HMCN1: variants seen among roughly 807,000 people sequenced by gnomAD.
HMCN1 encodes the protein hemicentin-1.
Under a neutral mutation model 625.9 loss-of-function variants are expected in HMCN1, and 321 were observed. The observed-to-expected ratio is 0.51, with a 90% CI of 0.47 to 0.56. The LOEUF is 0.56. Among genes scored for constraint, HMCN1 ranks in the 20% least tolerant of loss-of-function variants. HMCN1 has a pLI of 0.00. For synonymous variants in HMCN1, 2,425 were observed against 2,417.6 expected (o/e 1.00, Z -0.09); for missense variants, 6,588 against 6,887.3 (o/e 0.96, Z 1.54).
At chr1:185,787,767 G>T (rs952553358) in intron 1 of HMCN1, among the ~76,000 whole-genome samples, 4 of 152,046 alleles carry the variant, frequency 2.6e-5, no homozygotes, top group Non-Finnish European at 4.4e-5. Context: ...AATTCTATGA[G>T]GCAGTTTTAT....
intron 3 of HMCN1, among the ~76,000 whole-genome samples, chr1:185,865,164 C>T (rs1038013030): frequency 6.6e-6 from 1 of 152,174 alleles, no homozygotes; most frequent in Non-Finnish European, 1.5e-5. Context: ...CCTGGCTTTG[C>T]CTCATAGTTG....
intron 90 of HMCN1, 27 bp from the exon 91 acceptor site, chr1:186,144,506 A>G (rs778221163): frequency 1.2e-6 from 2 of 1,614,084 alleles, no homozygotes; most frequent in Non-Finnish European, 1.7e-6. Context: ...GTAGTAAGAA[A>G]GCATGTACCT....
intron 39 of HMCN1, 57 bp from the exon 40 acceptor site, chr1:186,040,956 A>G (rs1378770081): frequency 2.5e-6 from 4 of 1,590,140 alleles, no homozygotes; most frequent in South Asian, 1.1e-5. Flanking sequence ...GAAAAAATCT[A>G]TTACACCTAC....
intron 36 of HMCN1, among the ~76,000 whole-genome samples, chr1:186,024,306 A>G (rs1310256909): frequency 6.6e-6 from 1 of 152,044 alleles, no homozygotes; most frequent in Non-Finnish European, 1.5e-5. Flanking sequence ...CGTTCCCCAT[A>G]AGGCCTTTAT....
chr1:185,812,558 T>G (rs181214860), intron 1 of HMCN1, among the ~76,000 whole-genome samples: 1 of 152,326 alleles, frequency 6.6e-6, no homozygotes, highest in African/African-American at 2.4e-5. Flanking sequence ...AAGTATGATC[T>G]GCTTCACATG....
chr1:186,000,490 G>A (rs892569843), intron 26 of HMCN1, among the ~76,000 whole-genome samples: 1 of 151,582 alleles, frequency 6.6e-6, no homozygotes, highest in African/African-American at 2.4e-5. Context: ...ACCCTGTGCT[G>A]AGCCATCTAC....
rs561671285 is a variant in HMCN1, at chr1:185,883,796, C to T, written c.621+17933C>T. Among the ~76,000 whole-genome samples, 4 of 150,970 alleles carry T rather than the reference C, an allele frequency of 2.6e-5. No individual in the cohort carries two copies. In the East Asian group the frequency reaches 5.8e-4, roughly 22 times the overall value. ...CACTGTGGTTTTAATTTGGATTCCCCTCATAATTAATGTTGTTAGTTGCTA... is the reference window on the plus strand; with the variant it reads ...CACTGTGGTTTTAATTTGGATTCCCTTCATAATTAATGTTGTTAGTTGCTA... On this transcript the variant is annotated intron_variant, in intron 4 of 106. Transcript: ENST00000271588.
chr1:186,186,992 T>TACACA (rs1653353745), intron 105 of HMCN1, among the ~76,000 whole-genome samples: 9 of 95,428 alleles, frequency 9.4e-5, no homozygotes, highest in African/African-American at 3.1e-4. Context: ...TCTGTCTCTG[T>TACACA]CTCACACACA....
intron 4 of HMCN1, among the ~76,000 whole-genome samples, chr1:185,890,078 A>C (rs1471091785): frequency 6.6e-6 from 1 of 151,476 alleles, no homozygotes; most frequent in Non-Finnish European, 1.5e-5. Flanking sequence ...TTTCTTCTAG[A>C]TTTTCTAGTT....
Position 186,137,216 on chromosome 1 carries a change from A to T in HMCN1, c.13582+279A>T, listed in dbSNP as rs562429409. Among the ~76,000 whole-genome samples, 6 of 152,328 alleles carry T rather than the reference A, an allele frequency of 3.9e-5. No homozygotes were observed. In the East Asian group the frequency reaches 1.2e-3, roughly 29 times the overall value. Reference sequence around the variant, plus strand: ...CAATGTATATGTTTTGCTGCAAAGAATGACTTATGTCCAAAAGGTGAACAG... The same window carrying T: ...CAATGTATATGTTTTGCTGCAAAGATTGACTTATGTCCAAAAGGTGAACAG... On this transcript the variant is annotated intron_variant, in intron 87 of 106. Coordinates refer to ENST00000271588, the MANE Select transcript of HMCN1 (RefSeq NM_031935.3).
chr1:185,909,618 T>A, intron 5 of HMCN1, 110 bp downstream of exon 5: 1 of 967,540 alleles, frequency 1.0e-6, no homozygotes, highest in Non-Finnish European at 1.6e-6. Context: ...ATAAATTCAA[T>A]AAATTCAGAA....
chr1:185,934,607 C>A (rs1161890056), intron 11 of HMCN1, among the ~76,000 whole-genome samples: 1 of 152,138 alleles, frequency 6.6e-6, no homozygotes, highest in African/African-American at 2.4e-5. Flanking sequence ...ATGTAATGAA[C>A]AAATTACTGT....
At chr1:185,989,772 A>ATTT (rs1156913510) in intron 21 of HMCN1, 125 bp downstream of exon 21, 324 of 535,640 alleles carry the variant, frequency 6.0e-4, no homozygotes, top group South Asian at 8.0e-4. Flanking sequence ...CCAGATTTCT[A>ATTT]TTTTTTTTTT....
chr1:186,169,728 C>A lies in HMCN1; in HGVS notation c.15575-1609C>A, dbSNP rs190816842. Among the ~76,000 whole-genome samples the A allele has an allele frequency of 6.6e-5, 10 of 152,228 alleles. No homozygotes were observed. In the East Asian group the frequency reaches 1.7e-3, roughly 26 times the overall value. ...CGTAAGACCTAAAACCATAAAAACC[C>A]TAGAAGAAAACCTAGGCAATACCAT... On this transcript the variant is annotated intron_variant, in intron 100 of 106. Transcript: ENST00000271588.
chr1:186,033,871 G>GT (rs1305417521), intron 36 of HMCN1, among the ~76,000 whole-genome samples: 1 of 151,644 alleles, frequency 6.6e-6, no homozygotes, highest in African/African-American at 2.4e-5. Context: ...TCTCCTCATG[G>GT]TTTTTATTGT....
At chr1:186,038,785 T>A (rs1393097139) in intron 37 of HMCN1, 44 bp from the exon 38 acceptor site, 2 of 1,216,836 alleles carry the variant, frequency 1.6e-6, no homozygotes, top group Non-Finnish European at 2.4e-6. Flanking sequence ...ATATTTAATT[T>A]AAAAAATTTT....
chr1:185,832,288 T>A (rs1031334482), intron 1 of HMCN1, among the ~76,000 whole-genome samples: 4 of 151,764 alleles, frequency 2.6e-5, no homozygotes, highest in Admixed American at 6.6e-5. Flanking sequence ...AGTGAAACTC[T>A]CTCAAAAAAA....
At chr1:185,931,256 G>C (rs979296226) in intron 10 of HMCN1, among the ~76,000 whole-genome samples, 3 of 151,964 alleles carry the variant, frequency 2.0e-5, no homozygotes, top group Non-Finnish European at 4.4e-5. Flanking sequence ...TCATTATTGA[G>C]GTTTCCTTTC....
intron 86 of HMCN1, among the ~76,000 whole-genome samples, chr1:186,133,793 T>C (rs907528075): frequency 6.9e-6 from 1 of 144,872 alleles, no homozygotes; most frequent in Non-Finnish European, 1.5e-5. Flanking sequence ...AATAGGGTTC[T>C]ATGTTCAAAC....
Sources: allele counts gnomAD v4.1 joint callset (sites outside exome capture counted in the v4.1 genomes callset), GRCh38; gene constraint gnomAD v4.1.1; transcripts MANE v1.5; gene names NCBI Gene and HGNC (gene_info 2026-07-23, HGNC 2026-07-21).